TRAF7: variants seen among roughly 807,000 people sequenced by gnomAD.
TRAF7 encodes E3 ubiquitin-protein ligase TRAF7.
In TRAF7, 45 loss-of-function variants were observed where a neutral mutation model predicts 89.3. That is an observed-to-expected ratio of 0.50 (90% confidence interval 0.40 to 0.65). The LOEUF is 0.65. TRAF7 is among the 30% of genes least tolerant of loss of function. The probability of loss-of-function intolerance (pLI) is 0.00; values close to 1 mark genes in which losing one functional copy is unlikely to be tolerated. For missense variants in TRAF7, 677 were observed against 918.1 expected, an observed-to-expected ratio of 0.74 and a Z score of 3.39; for synonymous variants, 406 against 369.2, an observed-to-expected ratio of 1.10 and a Z score of -1.14.
chr16:2,158,351 A>G lies in TRAF7; in HGVS notation c.-39+2493A>G, dbSNP rs1305170270. ...GGAGGAGGGTGCAGCCAGGTGGGGC[A>G]GGTGAAAGGGGAAAGCGGGCACTGG... On this transcript the variant is annotated intron_variant, in intron 1 of 20. Coordinates refer to ENST00000326181, the MANE Select transcript of TRAF7 (RefSeq NM_032271.3). This position sits in a 1 kb window ranked among gnomAD's most constrained non-coding sequence, Gnocchi z 4.7. Among the ~76,000 whole-genome samples, 2 of 152,194 alleles carry G rather than the reference A, an allele frequency of 1.3e-5. No homozygotes were observed. The highest frequency in any genetic ancestry group is 2.4e-5 in the African/African-American group (1 of 41,466).
Position 2,175,372 on chromosome 16 carries a change from C to T in TRAF7, c.1458C>T (p.Val486=). 2 of 1,613,634 alleles carry T rather than the reference C, an allele frequency of 1.2e-6. No individual in the cohort carries two copies. The highest frequency in any genetic ancestry group is 1.1e-5 in the South Asian group (1 of 91,078). Residue 486 remains valine, a synonymous_variant, in exon 16 of 21, where the codon GTC becomes GTT. Coordinates refer to ENST00000326181, the MANE Select transcript of TRAF7 (RefSeq NM_032271.3). ...RAHDNPVCTL[V]SSHNVLFSGS... Reference sequence around the variant, plus strand: ...ATGACAACCCGGTGTGCACGCTGGTCTCCTCACACAACGTGCTCTTCAGCG... The same window carrying T: ...ATGACAACCCGGTGTGCACGCTGGTTTCCTCACACAACGTGCTCTTCAGCG...
chr16:2,175,729 T>C, intron 17 of TRAF7, 105 bp from the exon 18 acceptor site: 1 of 1,588,142 alleles, frequency 6.3e-7, no homozygotes. Context: ...GCACATCCCC[T>C]GGCTGGGTGG....
In TRAF7 at chr16:2,177,184, TTTC is replaced by T; in HGVS notation, c.*611_*613del. 4.1e-6 allele frequency: 1 copy of T among 244,904 alleles called. No individual in the cohort carries two copies. The highest frequency in any genetic ancestry group is 8.1e-6 in the Non-Finnish European group (1 of 123,628). 15.2% of individuals were successfully genotyped at this position (244,904 alleles called of 1,614,324 possible). A position where few individuals can be genotyped will look rare whatever the true frequency, so the allele number is the denominator to read the frequency against. On this transcript the variant is annotated 3_prime_UTR_variant, in exon 21 of 21. Transcript: ENST00000326181. ...CCAAAAAGTGAGCCAGGCACCTCTGTTTCCTGCTGTTTATTGACAGCCGACGGC... is the reference window on the plus strand; with the variant it reads ...CCAAAAAGTGAGCCAGGCACCTCTGTCTGCTGTTTATTGACAGCCGACGGC...
intron 1 of TRAF7, among the ~76,000 whole-genome samples, chr16:2,156,447 A>C (rs1443234627): frequency 6.6e-6 from 1 of 152,192 alleles, no homozygotes; most frequent in African/African-American, 2.4e-5. Flanking sequence ...TGGGATTGAC[A>C]ATAGGTAGTT....
At chr16:2,167,175 G>T (rs2093090028) in intron 3 of TRAF7, among the ~76,000 whole-genome samples, 1 of 152,090 alleles carries the variant, frequency 6.6e-6, no homozygotes, top group African/African-American at 2.4e-5. Context: ...CACGGCGGAA[G>T]GTACCCATGA....
rs766403858 is a variant in TRAF7 at position 2,173,565 on chromosome 16, G to A, written c.1086+11G>A. The A allele has an allele frequency of 2.1e-5, 34 of 1,611,614 alleles. No individual in the cohort carries two copies. Among genetic ancestry groups the A allele is most frequent in the Admixed American group, 6.7e-5 (4 of 59,956 alleles). ...GCATCCATGTTAAATGTGAGCGGGC[G>A]GGGCTGGAGGGGCTGGGTTGTGAGA... is the stretch of plus-strand genomic sequence containing the variant. On this transcript the variant is annotated intron_variant, in intron 11 of 20. Coordinates refer to ENST00000326181, the MANE Select transcript of TRAF7 (RefSeq NM_032271.3).
rs61739544 is a variant in TRAF7 at position 2,175,938 on chromosome 16, C to T, written c.1731C>T (p.Tyr577=). The T allele has an allele frequency of 2.4e-5, 39 of 1,613,256 alleles. No individual in the cohort carries two copies. Among genetic ancestry groups the T allele is most frequent in the Admixed American group, 1.2e-4 (7 of 60,000 alleles). ...VTNHHIVCGT[Y]ENLIHVWDIE... is the part of the protein sequence containing the mutation. ...ATCACCACATTGTCTGTGGCACCTACGAGAACCTCATCCACGTAAGGCCTG... is the reference window on the plus strand; with the variant it reads ...ATCACCACATTGTCTGTGGCACCTATGAGAACCTCATCCACGTAAGGCCTG... The change falls in exon 18 of 21, where the codon TAC becomes TAT. Residue 577 remains tyrosine (Y), a synonymous_variant. Coordinates refer to ENST00000326181, the MANE Select transcript of TRAF7 (RefSeq NM_032271.3).
At chr16:2,166,361 C>CCCT (rs1202128499) in intron 3 of TRAF7, among the ~76,000 whole-genome samples, 2 of 152,276 alleles carry the variant, frequency 1.3e-5, no homozygotes, top group East Asian at 3.9e-4. Flanking sequence ...AACAGTGCTG[C>CCCT]AGTTGTGACA....
At position 2,173,975 on chromosome 16, in the gene TRAF7, G is replaced by T; in HGVS notation, c.1190G>T (p.Gly397Val). ...KCKGTFVGHQGPVWCLCVYSM... is the reference protein window; with the variant it reads ...KCKGTFVGHQVPVWCLCVYSM... The stretch of plus-strand genomic sequence containing the variant: ...AAAGGGACCTTTGTGGGCCACCAGG[G>T]CCCTGTGTGGTGTCTCTGCGTCTAC... The change falls in exon 13 of 21, where the codon GGC (glycine) becomes GTC (valine). Residue 397 changes from glycine (G) to valine (V), a missense_variant. Gly to Val is a moderately radical substitution (Grantham distance 109). Coordinates refer to ENST00000326181, the MANE Select transcript of TRAF7 (RefSeq NM_032271.3). 6.2e-7 allele frequency: 1 copy of T among 1,613,096 alleles called. No individual in the cohort carries two copies. The highest frequency in any genetic ancestry group is 8.5e-7 in the Non-Finnish European group (1 of 1,179,774).
At chr16:2,176,471 G>A (rs1388731277) in intron 20 of TRAF7, 87 bp downstream of exon 20, 6 of 1,612,978 alleles carry the variant, frequency 3.7e-6, no homozygotes, top group Non-Finnish European at 4.2e-6. Flanking sequence ...CCAGCACAAA[G>A]TGGTGGAGGG....
intron 4 of TRAF7, among the ~76,000 whole-genome samples, chr16:2,169,170 T>TG (rs1471893942): frequency 6.6e-6 from 1 of 152,064 alleles, no homozygotes; most frequent in African/African-American, 2.4e-5. Flanking sequence ...TTAGTAGAGA[T>TG]GGGGTTTCTC....
At chr16:2,173,857 G>GCGGGGGGGGGCCC in intron 12 of TRAF7, 21 bp downstream of exon 12, 3 of 1,607,506 alleles carry the variant, frequency 1.9e-6, no homozygotes, top group Non-Finnish European at 2.5e-6. Flanking sequence ...ACCCGCCGTG[G>GCGGGGGGGGGCCC]CTCCCGCCCA....
intron 2 of TRAF7, 88 bp from the exon 3 acceptor site, chr16:2,165,791 C>A: frequency 2.0e-6 from 3 of 1,498,724 alleles, no homozygotes; most frequent in South Asian, 2.3e-5. Context: ...CTGGCCTGGT[C>A]GCGTGTTAGG....
At chr16:2,157,006 C>T (rs886317663) in intron 1 of TRAF7, among the ~76,000 whole-genome samples, 1 of 152,078 alleles carries the variant, frequency 6.6e-6, no homozygotes, top group African/African-American at 2.4e-5. Flanking sequence ...TGGAGCCCAC[C>T]CTGCTCTTGG....
In TRAF7 at chr16:2,163,287, T is replaced by G. The variant is rs1484341252; in HGVS notation, c.-38-596T>G. Among the ~76,000 whole-genome samples, 1 of 152,170 alleles carries G rather than the reference T, an allele frequency of 6.6e-6. No individual in the cohort carries two copies. Among genetic ancestry groups the G allele is most frequent in the Non-Finnish European group, 1.5e-5 (1 of 68,026 alleles). ...CAGGGGCGGGCTCATCTCTCTCCTG[T>G]GCTTTTTTCCGTGCAGTGCGGTTTG... On this transcript the variant is annotated intron_variant, in intron 1 of 20. Coordinates refer to ENST00000326181, the MANE Select transcript of TRAF7 (RefSeq NM_032271.3). The surrounding 1 kb of genome is among the most constrained non-coding windows in gnomAD (Gnocchi z 4.3).
rs866412659 is a variant in TRAF7 at position 2,176,481 on chromosome 16, G to A, written c.1999-79G>A. ...CAGCCCCAGCACAAAGTGGTGGAGG[G>A]CAGGTACGTGTGGCAGGTGTGGCTG... is the stretch of plus-strand genomic sequence containing the variant. On this transcript the variant is annotated intron_variant, in intron 20 of 20. Transcript: ENST00000326181. 309 of 1,613,018 alleles carry A rather than the reference G, an allele frequency of 1.9e-4. 2 individuals carry two copies. The Middle Eastern group carries it at 7.3e-3, about 38-fold the overall frequency.
chr16:2,171,219 G>A, intron 5 of TRAF7, 45 bp from the exon 6 acceptor site: 1 of 1,492,760 alleles, frequency 6.7e-7, no homozygotes, highest in Non-Finnish European at 9.0e-7. Flanking sequence ...TGGCGGGGCT[G>A]AGGGTGGCCT....
At position 2,163,346 on chromosome 16, in the gene TRAF7, GT is replaced by G. The variant is rs1352968177; in HGVS notation, c.-38-535del. On this transcript the variant is annotated intron_variant, in intron 1 of 20. Coordinates refer to ENST00000326181, the MANE Select transcript of TRAF7 (RefSeq NM_032271.3). This position sits in a 1 kb window ranked among gnomAD's most constrained non-coding sequence, Gnocchi z 4.3. Reference sequence around the variant, plus strand: ...TGGGCTCCGGTGACTCACCCTGCAGGTTCTTTCTCTGGGGTGTGGCTGGTGT... The same window carrying G: ...TGGGCTCCGGTGACTCACCCTGCAGGTCTTTCTCTGGGGTGTGGCTGGTGT... Among the ~76,000 whole-genome samples the G allele has an allele frequency of 6.6e-6, 1 of 152,220 alleles. No individual in the cohort carries two copies. Among genetic ancestry groups the G allele is most frequent in the African/African-American group, 2.4e-5 (1 of 41,450 alleles).
At chr16:2,167,974 G>A (rs2093093061) in intron 3 of TRAF7, 103 bp from the exon 4 acceptor site, 1 of 1,046,958 alleles carries the variant, frequency 9.6e-7, no homozygotes, top group Non-Finnish European at 1.4e-6. Flanking sequence ...GGAGGGCTGT[G>A]AGCTACAGGG....
Sources: gnomAD v4.1 joint callset for allele counts (sites outside exome capture counted in the v4.1 genomes callset) on GRCh38, gnomAD v4.1.1 for gene constraint, Gnocchi (gnomAD v3.1) non-coding constraint, MANE v1.5 for transcripts, NCBI Gene and HGNC (gene_info 2026-07-23, HGNC 2026-07-21) for gene names.